Variants in ZFYVE27 observed in about 807,000 individuals in gnomAD.
The protein encoded by ZFYVE27 is zinc finger FYVE-type containing 27, also known as protrudin.
Under a neutral mutation model 52.8 loss-of-function variants are expected in ZFYVE27, and 36 were observed. The observed-to-expected ratio is 0.68, with a 90% CI of 0.52 to 0.90. The LOEUF is 0.90. ZFYVE27 is among the 40% of genes least tolerant of loss of function. ZFYVE27 has a pLI of 0.00. For synonymous variants in ZFYVE27, 223 were observed against 215.6 expected (o/e 1.03, Z -0.30); for missense variants, 450 against 527.2 (o/e 0.85, Z 1.43).
chr10:97,754,725 A>G, intron 10 of ZFYVE27: 1 of 1,289,360 alleles, frequency 7.8e-7, no homozygotes, highest in Non-Finnish European at 1.0e-6. Flanking sequence ...TCCTTACCGT[A>G]GGTGTGACAG....
At chr10:97,750,121 A>G in intron 6 of ZFYVE27, 1 of 601,034 alleles carries the variant, frequency 1.7e-6, no homozygotes, top group Non-Finnish European at 3.0e-6. Context: ...CATTTACTAC[A>G]TTTAATCTCT....
chr10:97,759,122 G>A lies in ZFYVE27; in HGVS notation c.1172-114G>A. ...CAGGCTAGCAAGCTGGGCAGGGAGGGTGTGGGCTGGGTGGGGGGTCTGTGT... is the reference window on the plus strand; with the variant it reads ...CAGGCTAGCAAGCTGGGCAGGGAGGATGTGGGCTGGGTGGGGGGTCTGTGT... On this transcript the variant is annotated intron_variant, in intron 12 of 12. Coordinates refer to ENST00000684270, the MANE Select transcript of ZFYVE27 (RefSeq NM_001385875.1). The A allele has an allele frequency of 4.6e-6, 5 of 1,096,360 alleles. 1 individual carries two copies. In the South Asian group the frequency reaches 6.6e-5, roughly 14 times the overall value. 67.9% of individuals were successfully genotyped at this position (1,096,360 alleles called of 1,614,324 possible).
intron 2 of ZFYVE27, among the ~76,000 whole-genome samples, chr10:97,740,579 T>A (rs1304234448): frequency 6.6e-6 from 1 of 152,214 alleles, no homozygotes. Flanking sequence ...AGCACACTAA[T>A]GTGTTAGGGT....
intron 12 of ZFYVE27, chr10:97,758,113 TTATAAAA>T (rs1234413101): frequency 6.1e-6 from 1 of 162,680 alleles, no homozygotes; most frequent in African/African-American, 2.4e-5. Context: ...TTTTTTCCTT[TTATAAAA>T]TATAAAATAT....
intron 2 of ZFYVE27, among the ~76,000 whole-genome samples, chr10:97,741,453 T>C (rs1267754729): frequency 1.3e-5 from 2 of 152,210 alleles, no homozygotes; most frequent in Non-Finnish European, 1.5e-5. Context: ...GATAAGTTCA[T>C]GTCCTTTGCA....
At chr10:97,749,324 C>A in intron 5 of ZFYVE27, 150 bp from the exon 6 acceptor site, 1 of 711,444 alleles carries the variant, frequency 1.4e-6, no homozygotes. Context: ...TCTTCATCGC[C>A]ATTTTCCGCT....
At chr10:97,755,061 C>A (rs11189356) in intron 10 of ZFYVE27, among the ~76,000 whole-genome samples, 2 of 152,086 alleles carry the variant, frequency 1.3e-5, no homozygotes, top group African/African-American at 2.4e-5. Context: ...ATGCCTGTCC[C>A]GCTTTTGTAT....
In ZFYVE27 at chr10:97,759,435, C is replaced by G. The variant is rs766440166; in HGVS notation, c.*135C>G. The G allele has an allele frequency of 1.5e-5, 13 of 870,758 alleles. No homozygotes were observed. Among genetic ancestry groups the G allele is most frequent in the Non-Finnish European group, 2.3e-5 (12 of 528,040 alleles). The allele number at this position is 870,758 out of a possible 1,614,324, so 53.9% of individuals were successfully genotyped here. Reference sequence around the variant, plus strand: ...ATGCTAGGTAGGCTTCCCCTTCCTTCCTCACTCTCTCCAGCTGGATTCTGG... The same window carrying G: ...ATGCTAGGTAGGCTTCCCCTTCCTTGCTCACTCTCTCCAGCTGGATTCTGG... On this transcript the variant is annotated 3_prime_UTR_variant, in exon 13 of 13. Coordinates refer to ENST00000684270, the MANE Select transcript of ZFYVE27 (RefSeq NM_001385875.1).
At chr10:97,742,673 T>G (rs4917784) in intron 2 of ZFYVE27, among the ~76,000 whole-genome samples, 82,641 of 151,974 alleles carry the variant, frequency 0.54, 23,373 homozygotes, top group Middle Eastern at 0.64. Context: ...TGTTTTTTCT[T>G]GATTTCTGTA....
chr10:97,745,418 A>G (rs2044987271), intron 4 of ZFYVE27, among the ~76,000 whole-genome samples: 1 of 151,902 alleles, frequency 6.6e-6, no homozygotes, highest in Non-Finnish European at 1.5e-5. Context: ...TGACCTTGTG[A>G]TCCGCCCGCC....
At chr10:97,746,282 A>G (rs995864023) in intron 4 of ZFYVE27, among the ~76,000 whole-genome samples, 11 of 152,128 alleles carry the variant, frequency 7.2e-5, no homozygotes, top group Admixed American at 2.0e-4. Flanking sequence ...CTTCAGCCTC[A>G]GGTGATCTGC....
intron 3 of ZFYVE27, among the ~76,000 whole-genome samples, 184 bp from the exon 4 acceptor site, chr10:97,744,545 G>A (rs1045810936): frequency 2.0e-5 from 3 of 152,378 alleles, no homozygotes; most frequent in Admixed American, 6.5e-5. Context: ...TAAGGTCTAT[G>A]AGGAATGAAG....
At chr10:97,738,092 G>A (rs532092408) in intron 1 of ZFYVE27, among the ~76,000 whole-genome samples, 9 of 152,308 alleles carry the variant, frequency 5.9e-5, no homozygotes, top group South Asian at 2.1e-4. Context: ...TGGGAGCATC[G>A]GAGAGGGTCT....
At chr10:97,749,350 T>C in intron 5 of ZFYVE27, 124 bp from the exon 6 acceptor site, 2 of 773,876 alleles carry the variant, frequency 2.6e-6, no homozygotes, top group Non-Finnish European at 4.6e-6. Context: ...GATGAGCGGC[T>C]CTTGTCAGTT....
intron 5 of ZFYVE27, among the ~76,000 whole-genome samples, chr10:97,748,622 T>C (rs984885319): frequency 1.3e-5 from 2 of 152,180 alleles, no homozygotes; most frequent in African/African-American, 4.8e-5. Flanking sequence ...GCCGAATCTC[T>C]TGTTTGTTTT....
At chr10:97,743,043 C>T (rs756718620) in intron 2 of ZFYVE27, 51 bp from the exon 3 acceptor site, 10 of 1,602,420 alleles carry the variant, frequency 6.2e-6, no homozygotes, top group Middle Eastern at 1.7e-4. Flanking sequence ...GTCTCCCCTC[C>T]CCAGCTGGAG....
rs1554886947 is a variant in ZFYVE27, at chr10:97,739,885, G to GTTTTTTTGTTTTTTTT, written c.197+1218_197+1219insGTTTTTTTTTTTTTTT. 3.6e-5 allele frequency among the ~76,000 whole-genome samples: 5 copies of GTTTTTTTGTTTTTTTT among 137,290 alleles called. No individual in the cohort carries two copies. The East Asian group carries it at 6.6e-4, about 18-fold the overall frequency. 90.1% of individuals were successfully genotyped at this position (137,290 alleles called of 152,430 possible). On this transcript the variant is annotated intron_variant, in intron 2 of 12. Transcript: ENST00000684270. ...TGGATTTGATTGAAGTTAGAAAAGT[G>GTTTTTTTGTTTTTTTT]TTTTTTTTTTTTTTTGCAAAGGTAA...
chr10:97,751,119 G>A (rs1231192727), intron 7 of ZFYVE27, among the ~76,000 whole-genome samples: 1 of 152,138 alleles, frequency 6.6e-6, no homozygotes, highest in Non-Finnish European at 1.5e-5. Context: ...AAGTGGCAGG[G>A]CTGGGTCTAA....
At chr10:97,753,429 G>A (rs2047525544) in intron 10 of ZFYVE27, among the ~76,000 whole-genome samples, 1 of 152,124 alleles carries the variant, frequency 6.6e-6, no homozygotes, top group African/African-American at 2.4e-5. Context: ...GTTGTGGGAA[G>A]ACAAGGAACT....
Sources: gnomAD v4.1 joint callset for allele counts (sites outside exome capture counted in the v4.1 genomes callset) on GRCh38, gnomAD v4.1.1 for gene constraint, MANE v1.5 for transcripts, NCBI Gene and HGNC (gene_info 2026-07-23, HGNC 2026-07-21) for gene names.